The following RIMBP2 variants were observed in gnomAD, a reference collection of about 807,000 sequenced individuals.
RIMBP2 encodes RIMS-binding protein 2.
RIMBP2 carries 48 observed loss-of-function variants against 118.6 expected under a neutral mutation model. That is an observed-to-expected ratio of 0.40 (90% CI 0.32 to 0.51). The LOEUF (loss-of-function observed/expected upper bound fraction) is 0.51. Ranked by LOEUF, RIMBP2 falls within the 20% of genes least tolerant of loss-of-function variation. The pLI is 0.41. For synonymous variants in RIMBP2, 762 were observed against 742.9 expected, an observed-to-expected ratio of 1.03 and a Z score of -0.42; for missense variants, 1,551 against 1,768.3, an observed-to-expected ratio of 0.88 and a Z score of 2.20.
chr12:130,546,768 G>C (rs1012676146), intron 2 of RIMBP2, among the ~76,000 whole-genome samples: 1 of 152,170 alleles, frequency 6.6e-6, no homozygotes, highest in Non-Finnish European at 1.5e-5. Context: ...TGATTTTCAA[G>C]AACTGACTCA....
intron 9 of RIMBP2, among the ~76,000 whole-genome samples, chr12:130,448,314 G>C (rs1440419162): frequency 3.9e-5 from 6 of 152,186 alleles, no homozygotes; most frequent in African/African-American, 1.4e-4. Context: ...CTCTAGGGCA[G>C]CTCCCCCCAG....
At chr12:130,629,687 A>G (rs898434560) in intron 1 of RIMBP2, among the ~76,000 whole-genome samples, 2 of 152,174 alleles carry the variant, frequency 1.3e-5, no homozygotes, top group African/African-American at 4.8e-5. Flanking sequence ...ACCACTCTCA[A>G]ACTAGGCAAG....
intron 2 of RIMBP2, among the ~76,000 whole-genome samples, chr12:130,566,767 C>A (rs763324580): frequency 6.6e-6 from 1 of 152,212 alleles, no homozygotes; most frequent in African/African-American, 2.4e-5. Context: ...GGTGAGATAA[C>A]CAGAGTTTGT....
rs60195132 is a variant in RIMBP2 at position 130,445,988 on chromosome 12, T to C, written c.582-719A>G. ...AGGTCTTGGGTGTGGACAGTCAAAATGCTCAGAAAAACAGACGCATGATTT... is the reference window on the plus strand; with the variant it reads ...AGGTCTTGGGTGTGGACAGTCAAAACGCTCAGAAAAACAGACGCATGATTT... On this transcript the variant is annotated intron_variant, in intron 9 of 22. Transcript: ENST00000690449. Among the ~76,000 whole-genome samples the C allele has an allele frequency of 1.8e-3, 270 of 150,966 alleles. 1 individual carries two copies. The highest frequency in any genetic ancestry group is 6.1e-3 in the African/African-American group (250 of 41,068).
intron 1 of RIMBP2, among the ~76,000 whole-genome samples, chr12:130,647,539 T>G (rs1310894687): frequency 6.9e-6 from 1 of 144,862 alleles, no homozygotes; most frequent in Admixed American, 7.0e-5. Flanking sequence ...AGACCTCAGC[T>G]ACGGAGAGCG....
At chr12:130,535,718 CATATAT>C (rs1305382717) in intron 2 of RIMBP2, among the ~76,000 whole-genome samples, 6,772 of 87,668 alleles carry the variant, frequency 0.077, 250 homozygotes, top group Admixed American at 0.17. Context: ...TATACATATA[CATATAT>C]ATACATATAT....
Position 130,523,979 on chromosome 12 carries a change from A to ACAGG in RIMBP2, c.-216-6066_-216-6063dup, listed in dbSNP as rs1566193669. Among the ~76,000 whole-genome samples the ACAGG allele has an allele frequency of 6.6e-6, 1 of 152,156 alleles. No individual in the cohort carries two copies. Among genetic ancestry groups the ACAGG allele is most frequent in the Non-Finnish European group, 1.5e-5 (1 of 68,024 alleles). ...GCTCTCAGGATCTGGTATCCACGCT[A>ACAGG]CAGGATTCAAAACCATGAACATCCA... On this transcript the variant is annotated intron_variant, in intron 2 of 22. Coordinates refer to ENST00000690449, the MANE Select transcript of RIMBP2 (RefSeq NM_001393629.1). The surrounding 1 kb of genome is among the most constrained non-coding windows in gnomAD (Gnocchi z 4.4).
At chr12:130,505,437 T>C (rs1314023160) in intron 4 of RIMBP2, among the ~76,000 whole-genome samples, 1 of 149,636 alleles carries the variant, frequency 6.7e-6, no homozygotes, top group Admixed American at 6.7e-5. Context: ...AAGAACCTCA[T>C]ACCCCTTAGT....
intron 1 of RIMBP2, among the ~76,000 whole-genome samples, chr12:130,651,776 T>C (rs1191636710): frequency 6.6e-6 from 1 of 152,228 alleles, no homozygotes; most frequent in Non-Finnish European, 1.5e-5. Flanking sequence ...GTGCTTGGAA[T>C]TTAATTATCT....
At chr12:130,444,900 T>C (rs1327295661) in intron 10 of RIMBP2, among the ~76,000 whole-genome samples, 1 of 152,180 alleles carries the variant, frequency 6.6e-6, no homozygotes, top group African/African-American at 2.4e-5. Context: ...TGCCAAAAGC[T>C]CTGCAGAGGT....
Position 130,708,401 on chromosome 12 carries a change from C to T in RIMBP2, c.-352+7821G>A, listed in dbSNP as rs1305556244. Among the ~76,000 whole-genome samples, 3 of 152,304 alleles carry T rather than the reference C, an allele frequency of 2.0e-5. No homozygotes were observed. In the East Asian group the frequency reaches 5.8e-4, roughly 29 times the overall value. Reference sequence around the variant, plus strand: ...GTAAGTTATATCTCAGTAAAGCAGTCTTAAAGCTGGGCATGGTGGCTCGTG... The same window carrying T: ...GTAAGTTATATCTCAGTAAAGCAGTTTTAAAGCTGGGCATGGTGGCTCGTG... On this transcript the variant is annotated intron_variant, in intron 1 of 22. Coordinates refer to ENST00000690449, the MANE Select transcript of RIMBP2 (RefSeq NM_001393629.1).
intron 4 of RIMBP2, among the ~76,000 whole-genome samples, chr12:130,494,151 A>G (rs1420542713): frequency 6.6e-6 from 1 of 152,194 alleles, no homozygotes; most frequent in Non-Finnish European, 1.5e-5. Flanking sequence ...CAGAGCGCTC[A>G]TTCTGTATCA....
chr12:130,714,417 C>T (rs1468925781), intron 1 of RIMBP2, among the ~76,000 whole-genome samples: 1 of 152,218 alleles, frequency 6.6e-6, no homozygotes, highest in African/African-American at 2.4e-5. Flanking sequence ...GCCGGGCTTG[C>T]AGCATGGGGG....
At chr12:130,517,446 G>C (rs1258759525) in intron 3 of RIMBP2, among the ~76,000 whole-genome samples, 1 of 152,154 alleles carries the variant, frequency 6.6e-6, no homozygotes, top group Non-Finnish European at 1.5e-5. Flanking sequence ...CTTGAGCAGG[G>C]AGTTAGATTC....
chr12:130,574,977 C>T (rs979179292), intron 2 of RIMBP2, among the ~76,000 whole-genome samples: 5 of 129,448 alleles, frequency 3.9e-5, no homozygotes, highest in Non-Finnish European at 8.2e-5. Flanking sequence ...CCGCCACCCC[C>T]ACCCCCAGAC....
Position 130,435,335 on chromosome 12 carries a change from C to T in RIMBP2, c.2107-455G>A, listed in dbSNP as rs189394672. Among the ~76,000 whole-genome samples, 187 of 152,302 alleles carry T rather than the reference C, an allele frequency of 1.2e-3. 1 individual carries two copies. Among genetic ancestry groups the T allele is most frequent in the African/African-American group, 4.3e-3 (178 of 41,576 alleles). ...CTGGGATTACAGGCATGAGCCACCG[C>T]GTCCAGCCTCTTTTTAACCTTTGAG... On this transcript the variant is annotated intron_variant, in intron 13 of 22. Coordinates refer to ENST00000690449, the MANE Select transcript of RIMBP2 (RefSeq NM_001393629.1).
chr12:130,499,374 C>T (rs1000527635), intron 4 of RIMBP2, among the ~76,000 whole-genome samples: 3 of 152,210 alleles, frequency 2.0e-5, no homozygotes, highest in Middle Eastern at 3.2e-3. Context: ...TTGCGTACTA[C>T]GTCTCTACAG....
At chr12:130,664,443 A>ACACACGTG (rs1555320922) in intron 1 of RIMBP2, among the ~76,000 whole-genome samples, 3 of 64,612 alleles carry the variant, frequency 4.6e-5, no homozygotes, top group South Asian at 4.9e-4. Flanking sequence ...ATGCACGCAC[A>ACACACGTG]CACGCACACA....
chr12:130,571,418 T>A (rs28370920), intron 2 of RIMBP2, among the ~76,000 whole-genome samples: 1,723 of 13,476 alleles, frequency 0.13, 52 homozygotes, highest in East Asian at 0.24. Context: ...ATAGTAACAT[T>A]TTTTTTTTTT....
Sources: gnomAD v4.1 joint callset for allele counts (sites outside exome capture counted in the v4.1 genomes callset) on GRCh38, gnomAD v4.1.1 for gene constraint, Gnocchi (gnomAD v3.1) non-coding constraint, MANE v1.5 for transcripts, NCBI Gene and HGNC (gene_info 2026-07-23, HGNC 2026-07-21) for gene names.